Variants in OPHN1 observed in about 807,000 individuals in gnomAD.
The protein encoded by OPHN1 is oligophrenin-1.
Under a neutral mutation model 60.7 loss-of-function variants are expected in OPHN1, and 11 were observed. The ratio of observed to expected loss-of-function variants is 0.18; its 90% CI spans 0.11 to 0.30. The LOEUF is 0.30. OPHN1 is among the 10% of genes least tolerant of loss of function. The probability of loss-of-function intolerance (pLI) is 1.00; values close to 1 mark genes in which losing one functional copy is unlikely to be tolerated. For synonymous variants in OPHN1, 226 were observed against 222.6 expected (o/e 1.02, Z -0.14); for missense variants, 449 against 611.0 (o/e 0.73, Z 2.80).
At chrX:68,272,337 G>A (rs2147590908) in intron 5 of OPHN1, among the ~76,000 whole-genome samples, 1 of 111,603 alleles carries the variant, frequency 9.0e-6, no homozygotes, top group African/African-American at 3.3e-5. Flanking sequence ...TGAGACAATG[G>A]ATATTAAAAA....
chrX:68,150,021 T>C (rs888750902), intron 15 of OPHN1, among the ~76,000 whole-genome samples: 2 of 111,622 alleles, frequency 1.8e-5, no homozygotes, highest in Non-Finnish European at 3.8e-5. Context: ...CTCATAAACA[T>C]TATGCTCAGT....
intron 2 of OPHN1, among the ~76,000 whole-genome samples, chrX:68,430,911 C>A (rs1173972286): frequency 1.8e-5 from 2 of 111,448 alleles, no homozygotes; most frequent in Non-Finnish European, 3.8e-5. Flanking sequence ...GCTCTTCCAC[C>A]ATGTTTTATT....
intron 19 of OPHN1, among the ~76,000 whole-genome samples, chrX:68,082,565 AT>A (rs2076977872): frequency 8.9e-6 from 1 of 112,589 alleles, no homozygotes; most frequent in Non-Finnish European, 1.9e-5. Context: ...GGGCAGTGAT[AT>A]TTTGAAAGAG....
At chrX:68,382,746 C>T (rs5965566) in intron 2 of OPHN1, among the ~76,000 whole-genome samples, 33,823 of 110,920 alleles carry the variant, frequency 0.3, 7,596 homozygotes, top group African/African-American at 0.8. Context: ...GAATGAGACA[C>T]TATAAATAGG....
At chrX:68,414,780 G>A (rs909185668) in intron 2 of OPHN1, among the ~76,000 whole-genome samples, 4 of 111,459 alleles carry the variant, frequency 3.6e-5, no homozygotes, top group Non-Finnish European at 7.5e-5. Flanking sequence ...AAATGCCATT[G>A]TGCTAAGCCT....
At chrX:68,336,173 GTAAT>G (rs1009463759) in intron 2 of OPHN1, among the ~76,000 whole-genome samples, 1 of 109,356 alleles carries the variant, frequency 9.1e-6, no homozygotes, top group African/African-American at 3.3e-5. Flanking sequence ...TGCTAAAAAA[GTAAT>G]TAATTAATTT....
intron 2 of OPHN1, among the ~76,000 whole-genome samples, chrX:68,427,541 C>T (rs1240605233): frequency 1.8e-5 from 2 of 109,011 alleles, no homozygotes; most frequent in African/African-American, 6.7e-5. Context: ...CCAGTGAAAT[C>T]GCTTATCAAG....
intron 2 of OPHN1, among the ~76,000 whole-genome samples, chrX:68,333,676 CACACACACACAG>C (rs1417669859): frequency 1.8e-5 from 2 of 110,071 alleles, no homozygotes; most frequent in African/African-American, 6.6e-5. Context: ...TGCGTGCACA[CACACACACACAG>C]ACACACACAC....
At chrX:68,385,881 T>A (rs1427913964) in intron 2 of OPHN1, among the ~76,000 whole-genome samples, 2 of 112,298 alleles carry the variant, frequency 1.8e-5, no homozygotes, top group Non-Finnish European at 3.8e-5. Context: ...TGGAAAAGTG[T>A]GCATAGAGCA....
At chrX:68,196,009 C>T (rs780063685) in intron 12 of OPHN1, among the ~76,000 whole-genome samples, 21 of 111,915 alleles carry the variant, frequency 1.9e-4, no homozygotes, top group Admixed American at 9.5e-4. Flanking sequence ...ACAGAAATGT[C>T]ACAAGCATGA....
At chrX:68,344,866 A>G (rs2078371765) in intron 2 of OPHN1, among the ~76,000 whole-genome samples, 1 of 112,130 alleles carries the variant, frequency 8.9e-6, no homozygotes, top group African/African-American at 3.2e-5. Context: ...TACTGCTGGT[A>G]CTATAAATTA....
intron 2 of OPHN1, among the ~76,000 whole-genome samples, chrX:68,376,998 C>T (rs1203644502): frequency 2.8e-5 from 3 of 105,797 alleles, no homozygotes; most frequent in African/African-American, 1.0e-4. Flanking sequence ...GGCACGATCT[C>T]GGCTCACTGC....
intron 15 of OPHN1, among the ~76,000 whole-genome samples, chrX:68,168,149 G>A (rs922708450): frequency 8.2e-5 from 9 of 110,201 alleles, no homozygotes; most frequent in East Asian, 2.8e-4. Flanking sequence ...TGCACCAAAC[G>A]GACCTAATAG....
chrX:68,327,798 A>T (rs1274374969), intron 2 of OPHN1, among the ~76,000 whole-genome samples: 21 of 51,254 alleles, frequency 4.1e-4, no homozygotes, highest in Middle Eastern at 8.3e-3. Context: ...TAAAAAAAAT[A>T]AAAAAAAAAA....
intron 2 of OPHN1, among the ~76,000 whole-genome samples, chrX:68,413,950 T>C (rs2078781760): frequency 9.0e-6 from 1 of 111,524 alleles, no homozygotes; most frequent in East Asian, 2.8e-4. Context: ...AAGGGAAGAA[T>C]ATGTGTTAAG....
At chrX:68,226,034 A>C (rs931019116) in intron 6 of OPHN1, among the ~76,000 whole-genome samples, 11 of 111,969 alleles carry the variant, frequency 9.8e-5, no homozygotes, top group African/African-American at 3.6e-4. Context: ...GAAGACCTTA[A>C]ATGACCTGAT....
intron 19 of OPHN1, among the ~76,000 whole-genome samples, chrX:68,085,315 C>G (rs909151165): frequency 1.8e-5 from 2 of 112,116 alleles, no homozygotes; most frequent in African/African-American, 6.5e-5. Flanking sequence ...ATACTTTGTA[C>G]CCTTACTTTA....
intron 19 of OPHN1, among the ~76,000 whole-genome samples, chrX:68,088,420 T>G (rs1180789910): frequency 8.9e-6 from 1 of 111,955 alleles, no homozygotes; most frequent in African/African-American, 3.2e-5. Flanking sequence ...CTACTAAGAA[T>G]GAGATGGCAG....
intron 20 of OPHN1, among the ~76,000 whole-genome samples, chrX:68,066,397 C>A (rs2076913301): frequency 9.0e-6 from 1 of 111,556 alleles, no homozygotes; most frequent in Admixed American, 9.5e-5. Flanking sequence ...AGAGGACCCA[C>A]ATACACAGCC....
Sources: gnomAD v4.1 joint callset for allele counts (sites outside exome capture counted in the v4.1 genomes callset) on GRCh38, gnomAD v4.1.1 for gene constraint, MANE v1.5 for transcripts, NCBI Gene and HGNC (gene_info 2026-07-23, HGNC 2026-07-21) for gene names.